Variants in NLRC5 observed in about 807,000 individuals in gnomAD.
NLRC5 encodes NLR family CARD domain containing 5.
In NLRC5, 114 loss-of-function variants were observed where a neutral mutation model predicts 206.9. The observed-to-expected ratio is 0.55, with a 90% CI of 0.47 to 0.64. The LOEUF is 0.64. Ranked by LOEUF, NLRC5 falls within the 30% of genes least tolerant of loss-of-function variation. The pLI is 0.00. For missense variants in NLRC5, 2,008 were observed against 2,305.5 expected (o/e 0.87, Z 2.64); for synonymous variants, 952 against 962.8 (o/e 0.99, Z 0.21).
intron 15 of NLRC5, among the ~76,000 whole-genome samples, chr16:57,037,888 C>T (rs1329394078): frequency 1.3e-5 from 2 of 152,050 alleles, no homozygotes; most frequent in Non-Finnish European, 2.9e-5. Context: ...TAGGGTGGTC[C>T]CTGCTTTAAA....
chr16:57,018,405 T>C (rs1368178185), intron 2 of NLRC5, among the ~76,000 whole-genome samples: 5 of 152,226 alleles, frequency 3.3e-5, no homozygotes, highest in Non-Finnish European at 5.9e-5. Flanking sequence ...TGCCCTTCCT[T>C]GGCCATGGTC....
chr16:57,004,618 G>A (rs979535059), intron 1 of NLRC5: 5 of 152,340 alleles, frequency 3.3e-5, no homozygotes, highest in African/African-American at 1.2e-4. Context: ...GTACATGTAT[G>A]TGTGTGCACG....
At chr16:57,028,903 T>A (rs972393312) in intron 8 of NLRC5, among the ~76,000 whole-genome samples, 16 of 152,224 alleles carry the variant, frequency 1.1e-4, no homozygotes, top group African/African-American at 3.9e-4. Flanking sequence ...TAAGCTTGTA[T>A]GCACAAATAT....
intron 4 of NLRC5, 143 bp from the exon 5 acceptor site, chr16:57,023,642 T>C (rs1167407783): frequency 3.3e-6 from 2 of 607,926 alleles, no homozygotes; most frequent in African/African-American, 1.8e-5. Flanking sequence ...CTCTGCCTGC[T>C]GCCTGCCTTT....
intron 4 of NLRC5, among the ~76,000 whole-genome samples, chr16:57,023,464 T>C (rs905649104): frequency 5.2e-4 from 79 of 152,224 alleles, no homozygotes; most frequent in African/African-American, 1.9e-3. Context: ...CCTTCCCTGA[T>C]GGACAGATGG....
At position 57,026,596 on chromosome 16, in the gene NLRC5, C is replaced by T. The variant is rs1167682026; in HGVS notation, c.1653C>T (p.Thr551=). The T allele has an allele frequency of 3.7e-6, 6 of 1,614,076 alleles. No individual in the cohort carries two copies. The Admixed American group carries it at 8.3e-5, about 22-fold the overall frequency. Residue 551 remains threonine (T), a synonymous_variant, in exon 6 of 49, where the codon ACC becomes ACT. Coordinates refer to ENST00000688547, the MANE Select transcript of NLRC5 (RefSeq NM_001384950.1). ...VTLHSRWVQR[T]KARLGLSDHL... ...TCCATTCCCGCTGGGTACAGCGGAC[C>T]AAAGCTAGACTGGGCCTCTCAGACC...
chr16:57,013,360 G>A, intron 1 of NLRC5: 4 of 637,750 alleles, frequency 6.3e-6, no homozygotes, highest in South Asian at 1.6e-5. Context: ...TTCCTTCAAA[G>A]TCAGTAAACA....
At chr16:57,081,339 T>A (rs889471455) in intron 47 of NLRC5, 158 bp downstream of exon 47, 38 of 905,466 alleles carry the variant, frequency 4.2e-5, no homozygotes, top group Non-Finnish European at 5.7e-5. Context: ...TAGTTCCCCC[T>A]GGGTTCTAGC....
chr16:56,995,937 C>T (rs1393928835), intron 1 of NLRC5, among the ~76,000 whole-genome samples: 3 of 152,268 alleles, frequency 2.0e-5, no homozygotes, highest in Non-Finnish European at 4.4e-5. Context: ...AGAGGGCATC[C>T]GATTCCATTG....
Position 57,026,089 on chromosome 16 carries a change from C to G in NLRC5, c.1146C>G (p.Ala382=). The G allele has an allele frequency of 6.2e-7, 1 of 1,614,170 alleles. No individual in the cohort carries two copies. The highest frequency in any genetic ancestry group is 8.5e-7 in the Non-Finnish European group (1 of 1,180,048). The stretch of plus-strand genomic sequence containing the variant: ...AATATGTGAATCACTTCTTCAGCGC[C>G]CAGCCATCGCGGGAGGGGGCCCTGG... ...VEEYVNHFFS[A]QPSREGALVE... Residue 382 remains alanine (A), a synonymous_variant, in exon 6 of 49, where the codon GCC becomes GCG. Coordinates refer to ENST00000688547, the MANE Select transcript of NLRC5 (RefSeq NM_001384950.1).
At chr16:57,050,250 G>A (rs1390728012) in intron 23 of NLRC5, among the ~76,000 whole-genome samples, 1 of 152,176 alleles carries the variant, frequency 6.6e-6, no homozygotes, top group African/African-American at 2.4e-5. Flanking sequence ...TGTGCCTCAG[G>A]GGCCCATGCC....
chr16:57,075,367 G>A (rs1393767852), intron 39 of NLRC5, among the ~76,000 whole-genome samples: 1 of 152,204 alleles, frequency 6.6e-6, no homozygotes, highest in Non-Finnish European at 1.5e-5. Flanking sequence ...TTATAGGCAT[G>A]TGCCACCACG....
intron 45 of NLRC5, 106 bp from the exon 46 acceptor site, chr16:57,079,440 A>G: frequency 1.5e-6 from 2 of 1,378,100 alleles, no homozygotes; most frequent in Admixed American, 3.5e-5. Context: ...AGTCTTTCCT[A>G]AAACGCCTAG....
At chr16:57,061,815 AC>A (rs1315128281) in intron 32 of NLRC5, 114 bp downstream of exon 32, 72 of 1,539,004 alleles carry the variant, frequency 4.7e-5, no homozygotes, top group Non-Finnish European at 6.1e-5. Context: ...TGTACCCACA[AC>A]CCTGCCATCT....
intron 33 of NLRC5, among the ~76,000 whole-genome samples, chr16:57,066,240 G>T (rs1285162617): frequency 6.6e-6 from 1 of 152,066 alleles, no homozygotes; most frequent in African/African-American, 2.4e-5. Context: ...GTTCAAGGCT[G>T]CAGTGAGCTA....
intron 1 of NLRC5, among the ~76,000 whole-genome samples, chr16:57,002,297 C>A (rs1161646548): frequency 6.6e-6 from 1 of 151,232 alleles, no homozygotes; most frequent in Non-Finnish European, 1.5e-5. Context: ...ACAGGCATGC[C>A]CCACCATGCC....
At chr16:57,037,309 AC>A in intron 15 of NLRC5, 25 bp downstream of exon 15, 1 of 1,575,694 alleles carries the variant, frequency 6.3e-7, no homozygotes, top group Non-Finnish European at 8.6e-7. Context: ...AGACCACGGT[AC>A]CCATCCCCCC....
chr16:57,059,465 A>C lies in NLRC5; in HGVS notation c.3921-2A>C. 1 of 1,607,130 alleles carries C rather than the reference A, an allele frequency of 6.2e-7. No homozygotes were observed. Among genetic ancestry groups the C allele is most frequent in the Non-Finnish European group, 8.5e-7 (1 of 1,176,862 alleles). Reference sequence around the variant, plus strand: ...TGCTTCCCCAGGCCCTTCTCTCTGCAGCCTGGGCTCTGAGCAGAGCTTCCG... The same window carrying C: ...TGCTTCCCCAGGCCCTTCTCTCTGCCGCCTGGGCTCTGAGCAGAGCTTCCG... On this transcript the variant is annotated splice_acceptor_variant, in intron 29 of 48. Transcript: ENST00000688547. LOFTEE classifies it high-confidence loss of function.
chr16:57,052,197 G>A (rs1473027202), intron 24 of NLRC5, among the ~76,000 whole-genome samples: 4 of 152,262 alleles, frequency 2.6e-5, no homozygotes, highest in Non-Finnish European at 5.9e-5. Flanking sequence ...TTTAGGCCAT[G>A]TGTGGTGGCT....
Sources: gnomAD v4.1 joint callset for allele counts (sites outside exome capture counted in the v4.1 genomes callset) on GRCh38, gnomAD v4.1.1 for gene constraint, MANE v1.5 for transcripts, NCBI Gene and HGNC (gene_info 2026-07-23, HGNC 2026-07-21) for gene names.